CDH18: variants seen among roughly 807,000 people sequenced by gnomAD.
CDH18 encodes the protein cadherin-18.
Under a neutral mutation model 67.9 loss-of-function variants are expected in CDH18, and 31 were observed. The observed-to-expected ratio is 0.46, with a 90% confidence interval of 0.34 to 0.62. The LOEUF is 0.62. Ranked by LOEUF, CDH18 falls within the 20% of genes least tolerant of loss-of-function variation. The pLI is 0.01. For missense variants in CDH18, 890 were observed against 975.5 expected, an observed-to-expected ratio of 0.91 and a Z score of 1.17; for synonymous variants, 362 against 347.2, an observed-to-expected ratio of 1.04 and a Z score of -0.48.
chr5:20,245,765 C>T (rs1208870468), intron 2 of CDH18, among the ~76,000 whole-genome samples: 2 of 152,198 alleles, frequency 1.3e-5, no homozygotes, highest in Admixed American at 6.5e-5. Flanking sequence ...ACTATTGTAG[C>T]ACAGAAATCC....
At chr5:20,479,614 A>G (rs1752658236) in intron 1 of CDH18, among the ~76,000 whole-genome samples, 1 of 152,150 alleles carries the variant, frequency 6.6e-6, no homozygotes, top group Non-Finnish European at 1.5e-5. Context: ...CATGACTACA[A>G]GATCTAGAAA....
intron 2 of CDH18, among the ~76,000 whole-genome samples, chr5:20,083,576 A>G (rs1266584647): frequency 6.6e-6 from 1 of 152,116 alleles, no homozygotes; most frequent in African/African-American, 2.4e-5. Flanking sequence ...CCTTCTCCTC[A>G]GGCCCCCTAT....
At chr5:19,921,823 A>G (rs1344621597) in intron 2 of CDH18, among the ~76,000 whole-genome samples, 6 of 152,190 alleles carry the variant, frequency 3.9e-5, no homozygotes. Context: ...AAGTATGAAG[A>G]GAGAAATTCT....
chr5:20,435,137 C>CCA (rs755620262), intron 1 of CDH18, among the ~76,000 whole-genome samples: 1 of 151,850 alleles, frequency 6.6e-6, no homozygotes, highest in Middle Eastern at 3.2e-3. Flanking sequence ...CCTCTCCCCA[C>CCA]CACACACACA....
chr5:20,456,137 G>C (rs1750818871), intron 1 of CDH18, among the ~76,000 whole-genome samples: 1 of 151,964 alleles, frequency 6.6e-6, no homozygotes, highest in Non-Finnish European at 1.5e-5. Context: ...AAATTTTAGG[G>C]TTAAAAGACA....
intron 6 of CDH18, among the ~76,000 whole-genome samples, chr5:19,607,571 A>G (rs1748256601): frequency 6.6e-6 from 1 of 151,326 alleles, no homozygotes; most frequent in Admixed American, 6.6e-5. Flanking sequence ...GAGAGAGGGG[A>G]AAAAAGGAGA....
chr5:20,021,364 T>C (rs1037418051), intron 2 of CDH18, among the ~76,000 whole-genome samples: 2 of 152,120 alleles, frequency 1.3e-5, no homozygotes, highest in African/African-American at 4.8e-5. Flanking sequence ...TTGCAATGTA[T>C]GAAGGACATG....
intron 1 of CDH18, among the ~76,000 whole-genome samples, chr5:20,377,009 C>T (rs1279114872): frequency 3.5e-5 from 4 of 115,662 alleles, no homozygotes; most frequent in African/African-American, 9.4e-5. Context: ...AAGAATGAGA[C>T]TCCGTCTCAA....
intron 5 of CDH18, among the ~76,000 whole-genome samples, chr5:19,691,955 C>A (rs1761946606): frequency 6.6e-6 from 1 of 151,812 alleles, no homozygotes; most frequent in Admixed American, 6.6e-5. Flanking sequence ...AAGCTGGAGG[C>A]ATTATATTAC....
chr5:20,016,572 A>G (rs1737900761), intron 2 of CDH18, among the ~76,000 whole-genome samples: 1 of 152,176 alleles, frequency 6.6e-6, no homozygotes. Flanking sequence ...AAAAATTTCA[A>G]TTATTTTTCA....
chr5:19,493,537 G>GGTGTGTGTGT (rs67879363), intron 11 of CDH18, among the ~76,000 whole-genome samples: 70 of 148,034 alleles, frequency 4.7e-4, no homozygotes, highest in African/African-American at 5.2e-4. Context: ...AGGGAATTGG[G>GGTGTGTGTGT]GTGTGTGTGT....
chr5:19,572,897 T>G (rs915030428), intron 7 of CDH18, among the ~76,000 whole-genome samples: 3 of 152,124 alleles, frequency 2.0e-5, no homozygotes, highest in Non-Finnish European at 2.9e-5. Context: ...ACTATAATAC[T>G]TATAATAAGT....
At chr5:19,725,712 T>C (rs566608420) in intron 4 of CDH18, among the ~76,000 whole-genome samples, 48 of 152,242 alleles carry the variant, frequency 3.2e-4, no homozygotes, top group African/African-American at 1.2e-3. Context: ...GAGATTGCGG[T>C]GAGCTGAGAT....
intron 3 of CDH18, among the ~76,000 whole-genome samples, chr5:19,804,364 A>G (rs1262639206): frequency 1.3e-5 from 2 of 152,062 alleles, no homozygotes; most frequent in East Asian, 1.9e-4. Context: ...CTTGACAACT[A>G]TTGGGCACTT....
At chr5:19,866,552 C>G (rs1270041832) in intron 2 of CDH18, among the ~76,000 whole-genome samples, 1 of 152,052 alleles carries the variant, frequency 6.6e-6, no homozygotes, top group Admixed American at 6.6e-5. Context: ...CTATCTGGTA[C>G]GAAGTAAGTA....
chr5:19,943,699 A>G (rs1415783986), intron 2 of CDH18, among the ~76,000 whole-genome samples: 1 of 152,016 alleles, frequency 6.6e-6, no homozygotes, highest in Admixed American at 6.6e-5. Context: ...TTAAAAAAAC[A>G]CTCGAATATC....
chr5:19,966,286 C>T (rs971784780), intron 2 of CDH18, among the ~76,000 whole-genome samples: 15 of 152,192 alleles, frequency 9.9e-5, no homozygotes, highest in African/African-American at 3.6e-4. Context: ...TCCAATAATG[C>T]TCTTGCTCAG....
chr5:20,222,693 T>C (rs964058827), intron 2 of CDH18, among the ~76,000 whole-genome samples: 1 of 151,832 alleles, frequency 6.6e-6, no homozygotes, highest in Non-Finnish European at 1.5e-5. Flanking sequence ...TTTTCAATAG[T>C]GTGTACGCCA....
intron 3 of CDH18, among the ~76,000 whole-genome samples, chr5:19,760,100 T>A (rs770890084): frequency 5.3e-5 from 8 of 152,168 alleles, no homozygotes; most frequent in Non-Finnish European, 1.2e-4. Flanking sequence ...CTGCTGTCCA[T>A]TATGGTAGCT....
Sources: allele counts gnomAD v4.1 joint callset (sites outside exome capture counted in the v4.1 genomes callset), GRCh38; gene constraint gnomAD v4.1.1; transcripts MANE v1.5; gene names NCBI Gene and HGNC (gene_info 2026-07-23, HGNC 2026-07-21).